The following FAM227A variants were observed in gnomAD, a reference collection of about 807,000 sequenced individuals.
FAM227A encodes protein FAM227A.
In FAM227A, 80 loss-of-function variants were observed where a neutral mutation model predicts 74.7. That is an observed-to-expected ratio of 1.07 (90% confidence interval 0.89 to 1.29). FAM227A has a LOEUF of 1.29. FAM227A is among the 50% of genes most tolerant of loss of function. The pLI is 0.00. For missense variants in FAM227A, 654 were observed against 683.4 expected, an observed-to-expected ratio of 0.96 and a Z score of 0.48; for synonymous variants, 237 against 241.8, an observed-to-expected ratio of 0.98 and a Z score of 0.19.
chr22:38,583,622 C>G lies in FAM227A; in HGVS notation c.*2503G>C, dbSNP rs964510433. 1 of 152,278 alleles carries G rather than the reference C, an allele frequency of 6.6e-6. No individual in the cohort carries two copies. Among genetic ancestry groups the G allele is most frequent in the African/African-American group, 2.4e-5 (1 of 41,434 alleles). 9.4% of individuals were successfully genotyped at this position (152,278 alleles called of 1,614,324 possible). ...TAGGCAGGCATTCCCTTTCTGCAGTCAAGAAAGCACGTTCAGAAAGGTCAA... is the reference window on the plus strand; with the variant it reads ...TAGGCAGGCATTCCCTTTCTGCAGTGAAGAAAGCACGTTCAGAAAGGTCAA... On this transcript the variant is annotated 3_prime_UTR_variant, in exon 17 of 17. Transcript: ENST00000535113.
At chr22:38,587,001 C>G (rs910647976) in intron 16 of FAM227A, among the ~76,000 whole-genome samples, 1 of 152,094 alleles carries the variant, frequency 6.6e-6, no homozygotes, top group South Asian at 2.1e-4. Context: ...TTTAGGTTCA[C>G]TGTCCGTATT....
chr22:38,619,027 T>C (rs959298259), intron 11 of FAM227A, among the ~76,000 whole-genome samples: 16 of 150,550 alleles, frequency 1.1e-4, no homozygotes, highest in Admixed American at 3.3e-4. Context: ...ATGCTATCAA[T>C]GTCTCTGGAC....
chr22:38,634,332 C>T (rs963982266), intron 6 of FAM227A, among the ~76,000 whole-genome samples: 1 of 151,344 alleles, frequency 6.6e-6, no homozygotes, highest in Non-Finnish European at 1.5e-5. Context: ...TAAACATTCA[C>T]TTTTATCATC....
rs1368314154 is a variant in FAM227A, at chr22:38,583,647, A to G, written c.*2478T>C. 2.0e-5 allele frequency: 3 copies of G among 152,312 alleles called. No homozygotes were observed. The highest frequency in any genetic ancestry group is 7.2e-5 in the African/African-American group (3 of 41,438). 9.4% of individuals were successfully genotyped at this position (152,312 alleles called of 1,614,324 possible). ...CAAGAAAGCACGTTCAGAAAGGTCA[A>G]GATGCACAGCTACTATGCTGAGTCA... On this transcript the variant is annotated 3_prime_UTR_variant, in exon 17 of 17. Coordinates refer to ENST00000535113, the MANE Select transcript of FAM227A (RefSeq NM_001013647.2).
rs1865633119 is a variant in FAM227A, at chr22:38,626,319, A to T, written c.727-16T>A. 2 of 1,548,950 alleles carry T rather than the reference A, an allele frequency of 1.3e-6. No individual in the cohort carries two copies. Among genetic ancestry groups the T allele is most frequent in the African/African-American group, 2.7e-5 (2 of 73,060 alleles). On this transcript the variant is annotated splice_polypyrimidine_tract_variant and intron_variant, in intron 8 of 16. Transcript: ENST00000535113. The stretch of plus-strand genomic sequence containing the variant: ...ATGGCAGCCTCTGCGGAGCAAGCCG[A>T]GCTCAGGCAACGTTCTCAACATTTC...
rs908210787 is a variant in FAM227A, at chr22:38,580,385, C to G, written c.*5740G>C. ...GTCATTTACCATTTGCCATGATGTC[C>G]CCATCCTCTGTATTTCCTGTTATGG... On this transcript the variant is annotated 3_prime_UTR_variant, in exon 17 of 17. Coordinates refer to ENST00000535113, the MANE Select transcript of FAM227A (RefSeq NM_001013647.2). The G allele has an allele frequency of 6.6e-6, 1 of 152,088 alleles. No individual in the cohort carries two copies. Among genetic ancestry groups the G allele is most frequent in the African/African-American group, 2.4e-5 (1 of 41,390 alleles). The allele number at this position is 152,088 out of a possible 1,614,324, so 9.4% of individuals were successfully genotyped here. A position where few individuals can be genotyped will look rare whatever the true frequency, so the allele number is the denominator to read the frequency against.
At chr22:38,640,135 C>T (rs1372438556) in intron 3 of FAM227A, among the ~76,000 whole-genome samples, 1 of 151,926 alleles carries the variant, frequency 6.6e-6, no homozygotes, top group African/African-American at 2.4e-5. Context: ...CTGGGTTCAC[C>T]CCATTCTCCT....
chr22:38,655,902 G>A (rs1159982867), intron 1 of FAM227A, among the ~76,000 whole-genome samples: 1 of 152,200 alleles, frequency 6.6e-6, no homozygotes, highest in Non-Finnish European at 1.5e-5. Flanking sequence ...AACGGCCTAA[G>A]TTTCTGCACT....
intron 15 of FAM227A, among the ~76,000 whole-genome samples, 200 bp from the exon 16 acceptor site, chr22:38,591,740 C>T (rs1172930955): frequency 1.3e-5 from 2 of 152,098 alleles, no homozygotes; most frequent in African/African-American, 4.8e-5. Context: ...CCCATGTAAC[C>T]AGCACTCGGA....
intron 11 of FAM227A, among the ~76,000 whole-genome samples, chr22:38,611,073 A>G (rs533128562): frequency 5.9e-5 from 9 of 152,320 alleles, no homozygotes; most frequent in Admixed American, 5.9e-4. Flanking sequence ...AAAAGAAAAA[A>G]AAAATCTTTC....
intron 1 of FAM227A, chr22:38,653,877 C>T (rs2092354718): frequency 6.6e-6 from 1 of 152,182 alleles, no homozygotes; most frequent in African/African-American, 2.4e-5. Flanking sequence ...TCCCTGCCCT[C>T]AAGGGGCTTA....
intron 15 of FAM227A, among the ~76,000 whole-genome samples, chr22:38,592,049 A>G (rs905864221): frequency 1.3e-5 from 2 of 151,856 alleles, no homozygotes; most frequent in African/African-American, 4.8e-5. Context: ...CCTGGGTTCA[A>G]GCGATTCTCC....
chr22:38,617,627 A>G (rs1218244853), intron 11 of FAM227A, among the ~76,000 whole-genome samples: 2 of 152,260 alleles, frequency 1.3e-5, no homozygotes, highest in East Asian at 1.9e-4. Context: ...TAAGCCTCCA[A>G]TGCCATTTGT....
rs2090700459 is a variant in FAM227A, at chr22:38,580,825, C to G, written c.*5300G>C. ...AGACAGTCTCACTCCATCACCTAGG[C>G]TGGAGTGCAGTGGTGCGATCTCAGC... On this transcript the variant is annotated 3_prime_UTR_variant, in exon 17 of 17. Coordinates refer to ENST00000535113, the MANE Select transcript of FAM227A (RefSeq NM_001013647.2). The G allele has an allele frequency of 6.6e-6, 1 of 152,182 alleles. No individual in the cohort carries two copies. Among genetic ancestry groups the G allele is most frequent in the Non-Finnish European group, 1.5e-5 (1 of 68,032 alleles). 9.4% of individuals were successfully genotyped at this position (152,182 alleles called of 1,614,324 possible). A position where few individuals can be genotyped will look rare whatever the true frequency, so the allele number is the denominator to read the frequency against.
At chr22:38,613,525 C>G (rs1331938269) in intron 11 of FAM227A, among the ~76,000 whole-genome samples, 1 of 146,818 alleles carries the variant, frequency 6.8e-6, no homozygotes, top group Admixed American at 7.2e-5. Context: ...ATCATCTTCC[C>G]AGAGACAAAG....
chr22:38,607,037 C>G (rs1358556782), intron 12 of FAM227A, among the ~76,000 whole-genome samples: 1 of 151,946 alleles, frequency 6.6e-6, no homozygotes, highest in Admixed American at 6.6e-5. Flanking sequence ...ATTAGCCAGG[C>G]GTGGTAGCGC....
intron 3 of FAM227A, among the ~76,000 whole-genome samples, chr22:38,640,512 A>T (rs2092092356): frequency 6.6e-6 from 1 of 152,070 alleles, no homozygotes; most frequent in Non-Finnish European, 1.5e-5. Context: ...TACGCCCCTG[A>T]AAAGGAAGAC....
chr22:38,643,379 G>A (rs971753254), intron 3 of FAM227A, among the ~76,000 whole-genome samples: 1 of 151,680 alleles, frequency 6.6e-6, no homozygotes, highest in African/African-American at 2.4e-5. Context: ...CAACAAGGAA[G>A]ATCTGCAGAC....
At position 38,582,873 on chromosome 22, in the gene FAM227A, T is replaced by C; in HGVS notation, c.*3252A>G. ...GCACTTGTGCCTACCTTGCTCCTGG[T>C]ATATTAGGGAAGGCTCCCAAGATGA... On this transcript the variant is annotated 3_prime_UTR_variant, in exon 17 of 17. Transcript: ENST00000535113. 1 of 1,550,448 alleles carries C rather than the reference T, an allele frequency of 6.4e-7. No individual in the cohort carries two copies. Among genetic ancestry groups the C allele is most frequent in the East Asian group, 2.4e-5 (1 of 40,918 alleles).
Sources: allele counts gnomAD v4.1 joint callset (sites outside exome capture counted in the v4.1 genomes callset), GRCh38; gene constraint gnomAD v4.1.1; transcripts MANE v1.5; gene names NCBI Gene and HGNC (gene_info 2026-07-23, HGNC 2026-07-21).